Variants in WDR27 observed in about 807,000 individuals in gnomAD.
The protein encoded by WDR27 is WD repeat-containing protein 27.
WDR27 carries 100 observed loss-of-function variants against 114.4 expected under a neutral mutation model. That is an observed-to-expected ratio of 0.87 (90% CI 0.74 to 1.03). WDR27 has a LOEUF of 1.03. Ranked by LOEUF, WDR27 falls within the 50% of genes least tolerant of loss-of-function variation. The pLI, the probability that WDR27 is intolerant of heterozygous loss-of-function variation, is 0.00. For synonymous variants in WDR27, 449 were observed against 423.1 expected, an observed-to-expected ratio of 1.06 and a Z score of -0.75; for missense variants, 1,129 against 1,092.9, an observed-to-expected ratio of 1.03 and a Z score of -0.47.
intron 20 of WDR27, among the ~76,000 whole-genome samples, chr6:169,633,804 T>A (rs1817025714): frequency 6.6e-6 from 1 of 152,220 alleles, no homozygotes; most frequent in African/African-American, 2.4e-5. Context: ...TTCTGCTAGG[T>A]ATTTTAACAC....
intron 25 of WDR27, among the ~76,000 whole-genome samples, chr6:169,541,410 G>T (rs1796833746): frequency 6.6e-6 from 1 of 152,188 alleles, no homozygotes; most frequent in Non-Finnish European, 1.5e-5. Context: ...TCTCTATGGG[G>T]ATCAATGAGC....
At chr6:169,465,505 A>C (rs1314541341) in intron 25 of WDR27, among the ~76,000 whole-genome samples, 1 of 152,238 alleles carries the variant, frequency 6.6e-6, no homozygotes, top group East Asian at 1.9e-4. Flanking sequence ...AAAAATTAAA[A>C]ACAAAATTAT....
chr6:169,666,527 G>A (rs1585033210), intron 6 of WDR27: 1 of 985,542 alleles, frequency 1.0e-6, no homozygotes, highest in Non-Finnish European at 1.2e-6. Flanking sequence ...TAAGATGCCA[G>A]GAGGACAAGC....
intron 14 of WDR27, 124 bp downstream of exon 14, chr6:169,651,806 C>G (rs919898819): frequency 1.2e-6 from 1 of 803,512 alleles, no homozygotes; most frequent in Admixed American, 2.9e-5. Flanking sequence ...ACTTCTGTTT[C>G]TATTGCTATG....
chr6:169,443,699 G>T, the WDR27 span, among the ~76,000 whole-genome samples: 3 of 152,210 alleles, frequency 2.0e-5, no homozygotes, highest in Non-Finnish European at 4.4e-5. Context: ...GAGGCAGGGA[G>T]CTCAGGCCTG....
At chr6:169,560,553 C>T (rs1343878024) in intron 25 of WDR27, among the ~76,000 whole-genome samples, 2 of 152,190 alleles carry the variant, frequency 1.3e-5, no homozygotes, top group African/African-American at 4.8e-5. Context: ...GTGTCGGGCA[C>T]AGCCAGGTCC....
At chr6:169,552,534 T>A (rs1798293483) in intron 25 of WDR27, among the ~76,000 whole-genome samples, 1 of 152,168 alleles carries the variant, frequency 6.6e-6, no homozygotes, top group Non-Finnish European at 1.5e-5. Flanking sequence ...TTAATAATAT[T>A]TCACTGATGA....
At chr6:169,617,672 A>T (rs1812185345) in intron 21 of WDR27, among the ~76,000 whole-genome samples, 2 of 152,168 alleles carry the variant, frequency 1.3e-5, no homozygotes, top group African/African-American at 4.8e-5. Flanking sequence ...CACTGTGCCC[A>T]GCCGCCCAAC....
At chr6:169,454,730 C>T (rs562511242), downstream of WDR27, among the ~76,000 whole-genome samples, 1 of 152,330 alleles carries the variant, frequency 6.6e-6, no homozygotes, top group East Asian at 1.9e-4. Context: ...ACATGTGCCA[C>T]ATGATATGAA....
intron 6 of WDR27, 60 bp from the exon 7 acceptor site, chr6:169,665,616 GA>G: frequency 6.7e-7 from 1 of 1,497,432 alleles, no homozygotes; most frequent in Non-Finnish European, 9.2e-7. Context: ...ATTAACCCGA[GA>G]ACTGTCAGTT....
intron 25 of WDR27, among the ~76,000 whole-genome samples, chr6:169,553,608 T>A (rs958725710): frequency 1.7e-4 from 26 of 152,288 alleles, no homozygotes; most frequent in African/African-American, 6.3e-4. Flanking sequence ...GCGCTTTAAA[T>A]CTCAGGCTCC....
intron 25 of WDR27, among the ~76,000 whole-genome samples, chr6:169,465,282 GAAAT>G (rs1785428840): frequency 9.1e-6 from 1 of 110,286 alleles, no homozygotes; most frequent in Non-Finnish European, 1.9e-5. Flanking sequence ...AAAAAAAAAA[GAAAT>G]AAAGAAAAGA....
At chr6:169,564,566 G>A (rs1467841344) in intron 25 of WDR27, among the ~76,000 whole-genome samples, 2 of 152,184 alleles carry the variant, frequency 1.3e-5, no homozygotes, top group African/African-American at 2.4e-5. Flanking sequence ...TGACCTCTCC[G>A]TGGCTGACCA....
intron 1 of WDR27, among the ~76,000 whole-genome samples, chr6:169,698,211 A>T (rs1786777128): frequency 6.6e-6 from 1 of 152,096 alleles, no homozygotes. Flanking sequence ...CCAGCTGCCC[A>T]ACACCTCTGT....
chr6:169,446,950 C>T, the WDR27 span, among the ~76,000 whole-genome samples: 1 of 152,194 alleles, frequency 6.6e-6, no homozygotes, highest in Non-Finnish European at 1.5e-5. Context: ...AAAAGTTGGT[C>T]TTTCTAAAAT....
chr6:169,680,485 G>A (rs1297793659), intron 2 of WDR27, among the ~76,000 whole-genome samples: 6 of 152,184 alleles, frequency 3.9e-5, no homozygotes, highest in Non-Finnish European at 8.8e-5. Flanking sequence ...GGGAGGCTGA[G>A]GCAGGAGAAT....
intron 25 of WDR27, among the ~76,000 whole-genome samples, chr6:169,571,810 C>T (rs1397578894): frequency 1.3e-5 from 2 of 151,832 alleles, no homozygotes; most frequent in Non-Finnish European, 3.0e-5. Context: ...TGGACTCCAG[C>T]CTGGGTGACA....
At chr6:169,550,481 A>G (rs948765409) in intron 25 of WDR27, among the ~76,000 whole-genome samples, 2 of 143,516 alleles carry the variant, frequency 1.4e-5, no homozygotes, top group Non-Finnish European at 3.1e-5. Flanking sequence ...GTGCAGTGGC[A>G]CAATCTCGGC....
chr6:169,690,170 C>T lies in WDR27; in HGVS notation c.-7-1158G>A, dbSNP rs182675453. On this transcript the variant is annotated intron_variant, in intron 1 of 25. Transcript: ENST00000448612. ...GATTCAAAGGATCCACCCATTAGGCCCTCATGCTGGTCATATGGATTCAGA... is the reference window on the plus strand; with the variant it reads ...GATTCAAAGGATCCACCCATTAGGCTCTCATGCTGGTCATATGGATTCAGA... 5.1e-4 allele frequency among the ~76,000 whole-genome samples: 77 copies of T among 150,572 alleles called. 1 individual carries two copies. The East Asian group carries it at 7.2e-3, about 14-fold the overall frequency.
Sources: gnomAD v4.1 joint callset for allele counts (sites outside exome capture counted in the v4.1 genomes callset) on GRCh38, gnomAD v4.1.1 for gene constraint, MANE v1.5 for transcripts, NCBI Gene and HGNC (gene_info 2026-07-23, HGNC 2026-07-21) for gene names.